Variants in CORO2B observed in about 807,000 individuals in gnomAD.
CORO2B encodes the protein coronin 2B.
CORO2B carries 26 observed loss-of-function variants against 58.8 expected under a neutral mutation model. That is an observed-to-expected ratio of 0.44 (90% CI 0.32 to 0.61). The LOEUF (loss-of-function observed/expected upper bound fraction) is 0.61. Among genes scored for constraint, CORO2B ranks in the 20% least tolerant of loss-of-function variants. The pLI, the probability that CORO2B is intolerant of heterozygous loss-of-function variation, is 0.04. For missense variants in CORO2B, 460 were observed against 645.1 expected (o/e 0.71, Z 3.11); for synonymous variants, 242 against 253.8 (o/e 0.95, Z 0.44).
At chr15:68,655,352 C>T (rs925893230) in intron 2 of CORO2B, among the ~76,000 whole-genome samples, 1 of 152,166 alleles carries the variant, frequency 6.6e-6, no homozygotes, top group African/African-American at 2.4e-5. Flanking sequence ...CTGAGCCAGG[C>T]TGAAGCCACA....
At chr15:68,679,234 TC>T (rs1015915362) in intron 2 of CORO2B, among the ~76,000 whole-genome samples, 1 of 152,332 alleles carries the variant, frequency 6.6e-6, no homozygotes, top group African/African-American at 2.4e-5. Context: ...CAGGGAGGGT[TC>T]TTGTCTGTGT....
At position 68,650,378 on chromosome 15, in the gene CORO2B, A is replaced by C. The variant is rs1566995969; in HGVS notation, c.216+5018A>C. On this transcript the variant is annotated intron_variant, in intron 2 of 11. Coordinates refer to ENST00000261861, the MANE Select transcript of CORO2B (RefSeq NM_006091.5). The stretch of plus-strand genomic sequence containing the variant: ...GTCTAAAAAAAAAAAAAAAAAAAAA[A>C]AAAAAAAAAAAAAAAAAAAAAAAAA... Among the ~76,000 whole-genome samples, 25 of 23,666 alleles carry C rather than the reference A, an allele frequency of 1.1e-3. No individual in the cohort carries two copies. The East Asian group carries it at 0.018, about 17-fold the overall frequency. 15.5% of individuals were successfully genotyped at this position (23,666 alleles called of 152,430 possible). A position where few individuals can be genotyped will look rare whatever the true frequency, so the allele number is the denominator to read the frequency against.
intron 2 of CORO2B, among the ~76,000 whole-genome samples, chr15:68,672,594 A>G (rs1036655586): frequency 6.6e-6 from 1 of 152,232 alleles, no homozygotes; most frequent in African/African-American, 2.4e-5. Context: ...TTTTGAAGTT[A>G]AAACAGAAAT....
At chr15:68,557,392 A>T in the CORO2B span, among the ~76,000 whole-genome samples, 1 of 152,110 alleles carries the variant, frequency 6.6e-6, no homozygotes, top group Non-Finnish European at 1.5e-5. Context: ...TCAGTGGCCA[A>T]TGTATTCAAG....
intron 2 of CORO2B, among the ~76,000 whole-genome samples, chr15:68,671,626 C>T (rs894946935): frequency 6.6e-6 from 1 of 152,218 alleles, no homozygotes; most frequent in African/African-American, 2.4e-5. Context: ...GGAATATACA[C>T]TTCCAAGCTC....
chr15:68,535,586 C>A, the CORO2B span, among the ~76,000 whole-genome samples: 13 of 152,278 alleles, frequency 8.5e-5, no homozygotes, highest in Admixed American at 7.2e-4. Flanking sequence ...CTCCTCCTGT[C>A]TCTCGTAGGA....
chr15:68,518,682 G>A, the CORO2B span, among the ~76,000 whole-genome samples: 139 of 152,158 alleles, frequency 9.1e-4, no homozygotes, highest in African/African-American at 3.2e-3. Context: ...AACAGGCTTC[G>A]GGCTGATCTC....
chr15:68,541,797 A>G, the CORO2B span, among the ~76,000 whole-genome samples: 1 of 152,154 alleles, frequency 6.6e-6, no homozygotes, highest in African/African-American at 2.4e-5. Flanking sequence ...GCAGGTGCTG[A>G]TCAAACTCTG....
chr15:68,555,507 G>T, the CORO2B span, among the ~76,000 whole-genome samples: 1 of 152,188 alleles, frequency 6.6e-6, no homozygotes, highest in Non-Finnish European at 1.5e-5. Flanking sequence ...GGGAGAGAAG[G>T]CTGCCTGCTC....
At chr15:68,628,719 C>G (rs1351371410) in intron 1 of CORO2B, among the ~76,000 whole-genome samples, 2 of 152,198 alleles carry the variant, frequency 1.3e-5, no homozygotes, top group Non-Finnish European at 2.9e-5. Flanking sequence ...AAGGTAGATC[C>G]ACTTGCTCAT....
chr15:68,657,269 C>A (rs1213015783), intron 2 of CORO2B, among the ~76,000 whole-genome samples: 2 of 152,086 alleles, frequency 1.3e-5, no homozygotes, highest in African/African-American at 4.8e-5. Context: ...GTAATCCCAG[C>A]ACTTTGGGAG....
chr15:68,707,865 A>G (rs946404270), intron 3 of CORO2B, among the ~76,000 whole-genome samples: 3 of 152,028 alleles, frequency 2.0e-5, no homozygotes, highest in Non-Finnish European at 4.4e-5. Flanking sequence ...TTCATCCCTG[A>G]ACGCCCTGGT....
At chr15:68,579,333 C>A in intron 1 of CORO2B, 56 bp downstream of exon 1, 2 of 1,249,042 alleles carry the variant, frequency 1.6e-6, no homozygotes, top group South Asian at 2.9e-5. Context: ...ATCCCCCGGG[C>A]TAGGCTGCGG....
At chr15:68,616,533 G>C in intron 1 of CORO2B, 1 of 985,464 alleles carries the variant, frequency 1.0e-6, no homozygotes, top group Non-Finnish European at 1.2e-6. Flanking sequence ...AGCTGCCCTG[G>C]ATCCAGATTC....
At chr15:68,717,637 A>G (rs1893063258) in intron 8 of CORO2B, among the ~76,000 whole-genome samples, 1 of 152,118 alleles carries the variant, frequency 6.6e-6, no homozygotes, top group Non-Finnish European at 1.5e-5. Flanking sequence ...CTTCTTGTAG[A>G]CTCAGAAAAG....
chr15:68,547,490 C>A, the CORO2B span, among the ~76,000 whole-genome samples: 5 of 152,090 alleles, frequency 3.3e-5, no homozygotes, highest in Admixed American at 3.3e-4. Context: ...ACTCATTATG[C>A]AGAATTTTTT....
intron 3 of CORO2B, among the ~76,000 whole-genome samples, chr15:68,709,450 T>C (rs1032252551): frequency 1.5e-5 from 2 of 133,606 alleles, no homozygotes; most frequent in East Asian, 2.4e-4. Context: ...GAAAAGATTT[T>C]TTTTTCGTGT....
Position 68,722,640 on chromosome 15 carries a change from C to T in CORO2B, c.1311+3088C>T, listed in dbSNP as rs372831047. ...AAAGAAATTTTGAGAACTTGGAAGA[C>T]GCAAGAGTGTGTAGAGTCATTTAGT... On this transcript the variant is annotated intron_variant, in intron 11 of 11. Transcript: ENST00000261861. Among the ~76,000 whole-genome samples, 43 of 152,190 alleles carry T rather than the reference C, an allele frequency of 2.8e-4. 3 individuals are homozygous for T. The highest frequency in any genetic ancestry group is 1.5e-3 in the East Asian group (8 of 5,202).
the CORO2B span, among the ~76,000 whole-genome samples, chr15:68,551,087 C>A: frequency 6.6e-6 from 1 of 152,114 alleles, no homozygotes; most frequent in African/African-American, 2.4e-5. Context: ...GAAGAGGGCC[C>A]AGGCTGACCG....
Sources: allele counts gnomAD v4.1 joint callset (sites outside exome capture counted in the v4.1 genomes callset), GRCh38; gene constraint gnomAD v4.1.1; transcripts MANE v1.5; gene names NCBI Gene and HGNC (gene_info 2026-07-23, HGNC 2026-07-21).